DSCAM: variants seen among roughly 807,000 people sequenced by gnomAD.
The protein encoded by DSCAM is cell adhesion molecule DSCAM.
DSCAM carries 47 observed loss-of-function variants against 217.7 expected under a neutral mutation model. The ratio of observed to expected loss-of-function variants is 0.22; its 90% confidence interval spans 0.17 to 0.28. The LOEUF (loss-of-function observed/expected upper bound fraction) is 0.28, where lower values mean the gene tolerates loss of function less well. Ranked by LOEUF, DSCAM falls within the 10% of genes least tolerant of loss-of-function variation. DSCAM has a pLI of 1.00. For synonymous variants in DSCAM, 1,056 were observed against 1,015.3 expected (o/e 1.04, Z -0.76); for missense variants, 2,080 against 2,618.3 (o/e 0.79, Z 4.49).
intron 2 of DSCAM, among the ~76,000 whole-genome samples, chr21:40,705,127 G>C (rs2090698313): frequency 1.3e-5 from 2 of 152,228 alleles, no homozygotes. Flanking sequence ...AGAACTAGTT[G>C]AGAGGAGGGC....
At chr21:40,630,926 T>A (rs1316639316) in intron 3 of DSCAM, among the ~76,000 whole-genome samples, 1 of 152,108 alleles carries the variant, frequency 6.6e-6, no homozygotes, top group South Asian at 2.1e-4. Flanking sequence ...GCTTGAAGAA[T>A]TCAGGTCAAG....
chr21:40,586,683 A>G (rs2076949494), intron 3 of DSCAM, among the ~76,000 whole-genome samples: 1 of 152,216 alleles, frequency 6.6e-6, no homozygotes, highest in African/African-American at 2.4e-5. Context: ...ACATTGCTGT[A>G]TATATTTCCA....
At chr21:40,152,116 GA>G (rs10718861) in intron 16 of DSCAM, among the ~76,000 whole-genome samples, 102,853 of 146,876 alleles carry the variant, frequency 0.7, 35,674 homozygotes, top group South Asian at 0.79. Context: ...TAAGCATATG[GA>G]AAAAAAAAAA....
intron 3 of DSCAM, among the ~76,000 whole-genome samples, chr21:40,525,232 T>C (rs146727736): frequency 0.012 from 1,849 of 152,226 alleles, 49 homozygotes; most frequent in Non-Finnish European, 0.012. Flanking sequence ...GGCAAGTATA[T>C]ACATATAATA....
chr21:40,815,495 T>C (rs1348549655), intron 1 of DSCAM, among the ~76,000 whole-genome samples: 1 of 152,134 alleles, frequency 6.6e-6, no homozygotes, highest in Non-Finnish European at 1.5e-5. Flanking sequence ...GACAAAATTT[T>C]CCACCACTAA....
intron 1 of DSCAM, among the ~76,000 whole-genome samples, chr21:40,831,955 T>A (rs945016893): frequency 6.6e-6 from 1 of 152,206 alleles, no homozygotes. Context: ...TTCAAATGAA[T>A]GAATGTGGCT....
At chr21:40,411,622 A>T (rs2075324069) in intron 3 of DSCAM, among the ~76,000 whole-genome samples, 2 of 152,358 alleles carry the variant, frequency 1.3e-5, no homozygotes, top group East Asian at 1.9e-4. Context: ...ACTACTCAAC[A>T]TAAGTTATAA....
Position 40,083,952 on chromosome 21 carries a change from G to C in DSCAM, c.4187C>G (p.Thr1396Ser). 1 of 1,613,884 alleles carries C rather than the reference G, an allele frequency of 6.2e-7. No homozygotes were observed. The highest frequency in any genetic ancestry group is 8.5e-7 in the Non-Finnish European group (1 of 1,179,910). The part of the protein sequence containing the change: ...TVSKTTSSSI[T>S]LSWLPGDNGG... ...GTTGTCTCCAGGGAGCCAAGAAAGG[G>C]TGATGGAGGAAGACGTGGTCTTGGA... is the stretch of plus-strand genomic sequence containing the variant. Residue 1396 changes from threonine to serine, a missense_variant, in exon 24 of 33, where the codon ACC becomes AGC. Thr to Ser is a moderately conservative substitution (Grantham distance 58, BLOSUM62 1). Coordinates refer to ENST00000400454, the MANE Select transcript of DSCAM (RefSeq NM_001389.5).
At chr21:40,254,854 C>T (rs1421063650) in intron 11 of DSCAM, among the ~76,000 whole-genome samples, 1 of 152,068 alleles carries the variant, frequency 6.6e-6, no homozygotes, top group Admixed American at 6.6e-5. Flanking sequence ...CAAAAATCAG[C>T]GTCCTCAGAG....
chr21:40,557,356 CTTCTTTTT>C (rs992544902), intron 3 of DSCAM, among the ~76,000 whole-genome samples: 2 of 151,922 alleles, frequency 1.3e-5, no homozygotes, highest in Non-Finnish European at 2.9e-5. Context: ...TTGTCTCTTG[CTTCTTTTT>C]TTCTTTTTTA....
intron 3 of DSCAM, among the ~76,000 whole-genome samples, chr21:40,391,855 A>C (rs980344325): frequency 2.0e-5 from 3 of 152,360 alleles, no homozygotes; most frequent in Admixed American, 6.5e-5. Flanking sequence ...TGCACAGACT[A>C]GGCATTAGAA....
chr21:40,650,250 C>T (rs1241675569), intron 3 of DSCAM, among the ~76,000 whole-genome samples: 1 of 152,184 alleles, frequency 6.6e-6, no homozygotes. Flanking sequence ...TCACATTTTG[C>T]ATGATGTAGA....
intron 11 of DSCAM, among the ~76,000 whole-genome samples, chr21:40,245,948 T>C (rs2073218215): frequency 6.6e-6 from 1 of 152,106 alleles, no homozygotes; most frequent in African/African-American, 2.4e-5. Flanking sequence ...TCCCTTCTGT[T>C]TTAGCCCTTT....
At position 40,562,346 on chromosome 21, in the gene DSCAM, C is replaced by T. The variant is rs118053762; in HGVS notation, c.508+130464G>A. On this transcript the variant is annotated intron_variant, in intron 3 of 32. Transcript: ENST00000400454. ...CTCTCTCAGGCCATGTAAGATGTGCCTGCCTCCCCTTCCGCCATGATTGTT... is the reference window on the plus strand; with the variant it reads ...CTCTCTCAGGCCATGTAAGATGTGCTTGCCTCCCCTTCCGCCATGATTGTT... 3.1e-3 allele frequency among the ~76,000 whole-genome samples: 467 copies of T among 152,296 alleles called. 21 individuals carry two copies. In the East Asian group the frequency reaches 0.079, roughly 26 times the overall value.
chr21:40,518,520 TA>T (rs1283209154), intron 3 of DSCAM, among the ~76,000 whole-genome samples: 1 of 7,862 alleles, frequency 1.3e-4, no homozygotes, highest in Non-Finnish European at 2.1e-4. Flanking sequence ...ATATATATAA[TA>T]TATATTTTAT....
intron 3 of DSCAM, among the ~76,000 whole-genome samples, chr21:40,521,955 G>A (rs1438454836): frequency 6.6e-6 from 1 of 152,136 alleles, no homozygotes; most frequent in Non-Finnish European, 1.5e-5. Context: ...AAAACATTAC[G>A]TTGTGCCCCA....
chr21:40,292,185 CTTTTTT>C (rs11431306), intron 10 of DSCAM, among the ~76,000 whole-genome samples: 24 of 110,246 alleles, frequency 2.2e-4, no homozygotes, highest in South Asian at 6.4e-4. Flanking sequence ...AATGTAATGA[CTTTTTT>C]TTTTTTTTTT....
chr21:40,498,053 G>A (rs139377159), intron 3 of DSCAM, among the ~76,000 whole-genome samples: 1 of 152,102 alleles, frequency 6.6e-6, no homozygotes, highest in African/African-American at 2.4e-5. Flanking sequence ...ATTAGATCTG[G>A]GTTTCAAAAT....
At position 40,690,382 on chromosome 21, in the gene DSCAM, G is replaced by C. The variant is rs28609466; in HGVS notation, c.508+2428C>G. On this transcript the variant is annotated intron_variant, in intron 3 of 32. Transcript: ENST00000400454. ...CAAGTCTATTCGACTCAGGTTGAAC[G>C]ACCTGATATGAAGTCTCTCTCTCCC... Among the ~76,000 whole-genome samples the C allele has an allele frequency of 6.4e-3, 970 of 152,244 alleles. 7 individuals carry two copies. The highest frequency in any genetic ancestry group is 0.022 in the African/African-American group (930 of 41,540).
Sources: allele counts gnomAD v4.1 joint callset (sites outside exome capture counted in the v4.1 genomes callset), GRCh38; gene constraint gnomAD v4.1.1; transcripts MANE v1.5; gene names NCBI Gene and HGNC (gene_info 2026-07-23, HGNC 2026-07-21).